The following ADGRB3 variants were observed in gnomAD, a reference collection of about 807,000 sequenced individuals.
The protein encoded by ADGRB3 is adhesion G protein-coupled receptor B3.
A neutral mutation model predicts 193.4 loss-of-function variants in ADGRB3; 37 were observed. The observed-to-expected ratio is 0.19, with a 90% CI of 0.15 to 0.25. The LOEUF is 0.25. Among genes scored for constraint, ADGRB3 ranks in the 10% least tolerant of loss-of-function variants. The pLI, the probability that ADGRB3 is intolerant of heterozygous loss-of-function variation, is 1.00. For missense variants in ADGRB3, 1,637 were observed against 1,852.9 expected (o/e 0.88, Z 2.14); for synonymous variants, 690 against 644.2 (o/e 1.07, Z -1.08).
chr6:68,832,213 A>G (rs1292733459), intron 3 of ADGRB3, among the ~76,000 whole-genome samples: 1 of 152,172 alleles, frequency 6.6e-6, no homozygotes, highest in African/African-American at 2.4e-5. Flanking sequence ...ACATTCAGAA[A>G]GTATTATTAA....
chr6:68,786,043 C>G (rs1476908254), intron 3 of ADGRB3, among the ~76,000 whole-genome samples: 5 of 151,654 alleles, frequency 3.3e-5, no homozygotes, highest in African/African-American at 1.2e-4. Flanking sequence ...ATTGTAGATT[C>G]TGGATATTAG....
At chr6:68,914,011 C>G (rs367721922) in intron 3 of ADGRB3, among the ~76,000 whole-genome samples, 1 of 151,020 alleles carries the variant, frequency 6.6e-6, no homozygotes, top group African/African-American at 2.4e-5. Context: ...TAAAAAGAAA[C>G]GAACAAAGCC....
At chr6:68,940,312 T>C (rs969760694) in intron 5 of ADGRB3, among the ~76,000 whole-genome samples, 7 of 152,236 alleles carry the variant, frequency 4.6e-5, no homozygotes, top group African/African-American at 7.2e-5. Flanking sequence ...TAAGTCTTTG[T>C]TGGGGGAGTC....
chr6:69,177,261 G>T (rs992386185), intron 17 of ADGRB3, among the ~76,000 whole-genome samples: 2 of 151,974 alleles, frequency 1.3e-5, no homozygotes, highest in Admixed American at 6.6e-5. Flanking sequence ...AGTGTTTGGT[G>T]CTGTAAACTT....
chr6:68,829,742 A>T (rs2127383464), intron 3 of ADGRB3, among the ~76,000 whole-genome samples: 1 of 152,294 alleles, frequency 6.6e-6, no homozygotes, highest in East Asian at 1.9e-4. Context: ...AGCATAATTA[A>T]AACTGTTTGC....
At chr6:68,763,102 C>T (rs1766443429) in intron 3 of ADGRB3, among the ~76,000 whole-genome samples, 1 of 151,994 alleles carries the variant, frequency 6.6e-6, no homozygotes, top group African/African-American at 2.4e-5. Flanking sequence ...ATAAATTTTT[C>T]TTTTTTGAGA....
intron 3 of ADGRB3, among the ~76,000 whole-genome samples, chr6:68,877,491 T>C (rs927348713): frequency 6.6e-6 from 1 of 152,096 alleles, no homozygotes; most frequent in Non-Finnish European, 1.5e-5. Context: ...TTTAGGTTTA[T>C]AAAAAGTCCA....
At chr6:68,744,225 A>G (rs1766037524) in intron 3 of ADGRB3, among the ~76,000 whole-genome samples, 1 of 152,130 alleles carries the variant, frequency 6.6e-6, no homozygotes, top group South Asian at 2.1e-4. Flanking sequence ...TTTTTAATGA[A>G]TAAATATATC....
chr6:69,111,149 T>A (rs1425827426), intron 17 of ADGRB3, among the ~76,000 whole-genome samples: 1 of 152,178 alleles, frequency 6.6e-6, no homozygotes, highest in Non-Finnish European at 1.5e-5. Flanking sequence ...AAACTGAAAT[T>A]GATATACGTG....
chr6:69,240,953 A>T (rs1766371028), intron 20 of ADGRB3, among the ~76,000 whole-genome samples: 1 of 152,008 alleles, frequency 6.6e-6, no homozygotes, highest in Non-Finnish European at 1.5e-5. Context: ...TAGAGCTCAG[A>T]GTTTAAGTTT....
intron 3 of ADGRB3, among the ~76,000 whole-genome samples, chr6:68,712,333 G>A (rs1438697070): frequency 6.6e-6 from 1 of 151,918 alleles, no homozygotes; most frequent in Non-Finnish European, 1.5e-5. Context: ...GACACCACAG[G>A]CATTCAGTAG....
intron 30 of ADGRB3, among the ~76,000 whole-genome samples, chr6:69,379,483 A>T (rs1001997311): frequency 5.9e-5 from 9 of 152,086 alleles, no homozygotes; most frequent in Admixed American, 2.0e-4. Context: ...TCACACAAGT[A>T]AATAAATAAG....
intron 20 of ADGRB3, among the ~76,000 whole-genome samples, chr6:69,324,321 A>G (rs906342437): frequency 6.6e-6 from 1 of 152,146 alleles, no homozygotes; most frequent in Non-Finnish European, 1.5e-5. Context: ...TTTTTGTACT[A>G]TGTTATTAGC....
chr6:69,332,636 A>C, intron 23 of ADGRB3: 1 of 985,476 alleles, frequency 1.0e-6, no homozygotes, highest in African/African-American at 1.7e-5. Flanking sequence ...CCAGATTGGC[A>C]TAGTATGGTA....
chr6:68,678,369 T>C (rs1466380796), intron 3 of ADGRB3, among the ~76,000 whole-genome samples: 1 of 152,090 alleles, frequency 6.6e-6, no homozygotes, highest in African/African-American at 2.4e-5. Context: ...TATTTTCAAG[T>C]GAGAAAAAAT....
intron 3 of ADGRB3, among the ~76,000 whole-genome samples, chr6:68,741,371 A>T (rs994172604): frequency 5.3e-5 from 8 of 151,984 alleles, no homozygotes; most frequent in South Asian, 2.1e-4. Flanking sequence ...GGCTTTTTTT[A>T]AATTTTTTTT....
At chr6:68,845,162 A>C (rs1257457106) in intron 3 of ADGRB3, among the ~76,000 whole-genome samples, 1 of 152,220 alleles carries the variant, frequency 6.6e-6, no homozygotes, top group Non-Finnish European at 1.5e-5. Context: ...TGGATATCAC[A>C]CTTAGCATGA....
At chr6:69,355,977 T>C (rs1367586040) in intron 28 of ADGRB3, 117 bp downstream of exon 28, 1 of 836,646 alleles carries the variant, frequency 1.2e-6, no homozygotes, top group Admixed American at 2.5e-5. Flanking sequence ...GTGAAAGGGC[T>C]GTATATGTAA....
chr6:68,883,237 T>G lies in ADGRB3; in HGVS notation c.758-47322T>G, dbSNP rs575670153. ...GAGAACTTTTGTCTAGCTAGAGGAT[T>G]GTAAATGCACCAATTAGCACCCTGT... On this transcript the variant is annotated intron_variant, in intron 3 of 31. Coordinates refer to ENST00000370598, the MANE Select transcript of ADGRB3 (RefSeq NM_001704.3). 2.6e-5 allele frequency among the ~76,000 whole-genome samples: 4 copies of G among 152,152 alleles called. No individual in the cohort carries two copies. In the East Asian group the frequency reaches 7.7e-4, roughly 29 times the overall value.
Sources: allele counts gnomAD v4.1 joint callset (sites outside exome capture counted in the v4.1 genomes callset), GRCh38; gene constraint gnomAD v4.1.1; transcripts MANE v1.5; gene names NCBI Gene and HGNC (gene_info 2026-07-23, HGNC 2026-07-21).